TMEM132C: variants seen among roughly 807,000 people sequenced by gnomAD.
The protein encoded by TMEM132C is transmembrane protein 132C.
TMEM132C carries 29 observed loss-of-function variants against 61.4 expected under a neutral mutation model. That is an observed-to-expected ratio of 0.47 (90% CI 0.35 to 0.64). The LOEUF (loss-of-function observed/expected upper bound fraction) is 0.64. TMEM132C is among the 30% of genes least tolerant of loss of function. The pLI, the probability that TMEM132C is intolerant of heterozygous loss-of-function variation, is 0.00. For synonymous variants in TMEM132C, 656 were observed against 633.1 expected, an observed-to-expected ratio of 1.04 and a Z score of -0.54; for missense variants, 1,408 against 1,476.9, an observed-to-expected ratio of 0.95 and a Z score of 0.76.
chr12:128,353,033 A>G (rs1873389848), intron 1 of TMEM132C, among the ~76,000 whole-genome samples: 1 of 152,178 alleles, frequency 6.6e-6, no homozygotes. Context: ...TCTGTCCCAT[A>G]CTTGGCTATT....
intron 3 of TMEM132C, among the ~76,000 whole-genome samples, chr12:128,575,773 G>T (rs1409459918): frequency 6.6e-6 from 1 of 152,190 alleles, no homozygotes; most frequent in Non-Finnish European, 1.5e-5. Flanking sequence ...CAAGGACGAC[G>T]CACTATACAA....
intron 1 of TMEM132C, among the ~76,000 whole-genome samples, chr12:128,314,975 G>A (rs1489475501): frequency 6.6e-6 from 1 of 152,164 alleles, no homozygotes; most frequent in Non-Finnish European, 1.5e-5. Flanking sequence ...AGTAAACAAG[G>A]AAACAAGTAA....
chr12:128,512,939 A>G (rs1274234120), intron 2 of TMEM132C, among the ~76,000 whole-genome samples: 9 of 152,186 alleles, frequency 5.9e-5, no homozygotes, highest in Admixed American at 5.9e-4. Context: ...AGACGTATAT[A>G]TGGAACATAG....
intron 1 of TMEM132C, among the ~76,000 whole-genome samples, chr12:128,344,795 T>C (rs979090223): frequency 6.6e-6 from 1 of 152,218 alleles, no homozygotes. Flanking sequence ...AATTAAGAAT[T>C]GGTTCTATAT....
intron 2 of TMEM132C, among the ~76,000 whole-genome samples, chr12:128,542,491 A>G (rs1016453152): frequency 4.6e-5 from 7 of 152,068 alleles, no homozygotes; most frequent in Admixed American, 4.6e-4. Flanking sequence ...TTTTTCGTAG[A>G]GACAAGGTTT....
chr12:128,538,305 G>T (rs925577630), intron 2 of TMEM132C, among the ~76,000 whole-genome samples: 1 of 152,072 alleles, frequency 6.6e-6, no homozygotes, highest in Middle Eastern at 3.4e-3. Flanking sequence ...TGTATTTTCA[G>T]TAGAGACGGG....
chr12:128,570,616 CACA>C lies in TMEM132C; in HGVS notation c.1121+26516_1121+26518del, dbSNP rs1167742487. Among the ~76,000 whole-genome samples, 7 of 152,078 alleles carry C rather than the reference CACA, an allele frequency of 4.6e-5. No individual in the cohort carries two copies. The highest frequency in any genetic ancestry group is 4.1e-4 in the South Asian group (2 of 4,820). ...TAGGCTGTGGCTGGCTCAGTGTCTC[CACA>C]ACGCCAGGGGACCCAGGCTCCTTTT... On this transcript the variant is annotated intron_variant, in intron 3 of 8. Coordinates refer to ENST00000435159, the MANE Select transcript of TMEM132C (RefSeq NM_001136103.3). The surrounding 1 kb of genome is among the most constrained non-coding windows in gnomAD (Gnocchi z 4.7).
intron 2 of TMEM132C, among the ~76,000 whole-genome samples, chr12:128,466,535 C>G (rs951721901): frequency 2.0e-4 from 30 of 152,122 alleles, no homozygotes; most frequent in Non-Finnish European, 2.6e-4. Flanking sequence ...ACACTTTTTT[C>G]TTCTTTGGAG....
intron 2 of TMEM132C, among the ~76,000 whole-genome samples, chr12:128,490,152 C>T (rs1011859192): frequency 2.6e-5 from 4 of 152,146 alleles, no homozygotes; most frequent in Admixed American, 6.5e-5. Flanking sequence ...GCCCTTATGT[C>T]GCCCTATCTT....
chr12:128,500,131 G>T (rs960166906), intron 2 of TMEM132C, among the ~76,000 whole-genome samples: 1 of 152,136 alleles, frequency 6.6e-6, no homozygotes, highest in Admixed American at 6.5e-5. Context: ...TCAACAGGTG[G>T]TCCTGAGACA....
chr12:128,575,313 T>C (rs1186677473), intron 3 of TMEM132C, among the ~76,000 whole-genome samples: 1 of 152,096 alleles, frequency 6.6e-6, no homozygotes, highest in East Asian at 1.9e-4. Flanking sequence ...ACCCCATCTC[T>C]ACTGAAAATA....
At chr12:128,461,959 A>T (rs1217017190) in intron 2 of TMEM132C, among the ~76,000 whole-genome samples, 1 of 152,216 alleles carries the variant, frequency 6.6e-6, no homozygotes, top group African/African-American at 2.4e-5. Context: ...CTTGTGTTGC[A>T]AACACAATCG....
At chr12:128,436,234 CATGGGCAAGG>C (rs1316947387) in intron 2 of TMEM132C, among the ~76,000 whole-genome samples, 1 of 152,164 alleles carries the variant, frequency 6.6e-6, no homozygotes, top group Non-Finnish European at 1.5e-5. Context: ...AGGACATAGG[CATGGGCAAGG>C]ACTTCATGAC....
chr12:128,616,209 C>T lies in TMEM132C; in HGVS notation c.1179C>T (p.Ser393=). 6.4e-7 allele frequency: 1 copy of T among 1,551,772 alleles called. No homozygotes were observed. Among genetic ancestry groups the T allele is most frequent in the Non-Finnish European group, 8.7e-7 (1 of 1,147,000 alleles). Residue 393 remains serine, a synonymous_variant, in exon 4 of 9, where the codon AGC becomes AGT. Transcript: ENST00000435159. ...VQMNFEIASF[S]SLSGTQPITW... ...TGAACTTTGAAATAGCCAGTTTCAG[C>T]AGCCTTTCAGGGACTCAGCCCATCA...
chr12:128,397,258 T>C (rs1351742942), intron 1 of TMEM132C, among the ~76,000 whole-genome samples: 1 of 152,222 alleles, frequency 6.6e-6, no homozygotes, highest in Non-Finnish European at 1.5e-5. Context: ...TAGGGTTTGC[T>C]TAACCTGAAG....
chr12:128,618,248 C>T (rs936308016), intron 4 of TMEM132C, among the ~76,000 whole-genome samples: 1 of 152,124 alleles, frequency 6.6e-6, no homozygotes. Flanking sequence ...TTATAATGGT[C>T]CTTTTCAAGG....
At chr12:128,397,163 A>G (rs1874989648) in intron 1 of TMEM132C, among the ~76,000 whole-genome samples, 1 of 152,000 alleles carries the variant, frequency 6.6e-6, no homozygotes, top group African/African-American at 2.4e-5. Flanking sequence ...GGCTCAGGAC[A>G]TCTCTCTGCC....
At chr12:128,525,490 G>C (rs992143121) in intron 2 of TMEM132C, among the ~76,000 whole-genome samples, 2 of 152,116 alleles carry the variant, frequency 1.3e-5, no homozygotes, top group Non-Finnish European at 2.9e-5. Context: ...TAAATGTCTT[G>C]CTTTTTAAAG....
At chr12:128,628,849 A>T (rs893126400) in intron 4 of TMEM132C, among the ~76,000 whole-genome samples, 1 of 152,232 alleles carries the variant, frequency 6.6e-6, no homozygotes, top group African/African-American at 2.4e-5. Flanking sequence ...CCCAAGGAAG[A>T]TGCATTATCC....
Sources: allele counts gnomAD v4.1 joint callset (sites outside exome capture counted in the v4.1 genomes callset), GRCh38; gene constraint gnomAD v4.1.1; non-coding constraint Gnocchi (gnomAD v3.1); transcripts MANE v1.5; gene names NCBI Gene and HGNC (gene_info 2026-07-23, HGNC 2026-07-21).